MEMO1: variants seen among roughly 807,000 people sequenced by gnomAD.
MEMO1 encodes the protein mediator of cell motility 1.
A neutral mutation model predicts 45.2 loss-of-function variants in MEMO1; 6 were observed. The ratio of observed to expected loss-of-function variants is 0.13; its 90% confidence interval spans 0.07 to 0.26. The LOEUF (loss-of-function observed/expected upper bound fraction) is 0.26. Ranked by LOEUF, MEMO1 falls within the 10% of genes least tolerant of loss-of-function variation. MEMO1 has a pLI of 1.00. For missense variants in MEMO1, 184 were observed against 370.5 expected, an observed-to-expected ratio of 0.50 and a Z score of 4.13; for synonymous variants, 78 against 124.3, an observed-to-expected ratio of 0.63 and a Z score of 2.48.
intron 2 of MEMO1, among the ~76,000 whole-genome samples, chr2:31,971,770 G>C (rs566003838): frequency 6.6e-6 from 1 of 152,236 alleles, no homozygotes; most frequent in Admixed American, 6.6e-5. Flanking sequence ...AGGAGTTCAA[G>C]ACCAGCCTGG....
chr2:31,885,129 CTTTTT>C (rs1383795074), intron 7 of MEMO1, among the ~76,000 whole-genome samples: 1 of 151,202 alleles, frequency 6.6e-6, no homozygotes, highest in Non-Finnish European at 1.5e-5. Context: ...TTCTTTTTTT[CTTTTT>C]TTTAAGATGG....
intron 2 of MEMO1, among the ~76,000 whole-genome samples, chr2:31,969,504 A>G (rs532979774): frequency 6.6e-6 from 1 of 151,900 alleles, no homozygotes; most frequent in East Asian, 1.9e-4. Flanking sequence ...AAAGTTTAAA[A>G]AAGATATTAG....
chr2:31,906,698 C>A (rs1204444019), intron 6 of MEMO1, among the ~76,000 whole-genome samples: 1 of 151,996 alleles, frequency 6.6e-6, no homozygotes, highest in African/African-American at 2.4e-5. Flanking sequence ...CTGTACCAGT[C>A]ACAGAATAAA....
chr2:31,978,158 G>A (rs766827957), intron 2 of MEMO1, among the ~76,000 whole-genome samples: 9 of 151,998 alleles, frequency 5.9e-5, no homozygotes, highest in African/African-American at 7.3e-5. Flanking sequence ...AAGTCAAGGC[G>A]GGAGGATCAT....
chr2:31,868,485 G>C lies in MEMO1; in HGVS notation c.770C>G (p.Thr257Arg). The change falls in exon 10 of 10, where the codon ACA becomes AGA. Residue 257 changes from threonine (T) to arginine (R), a missense_variant. This residue lies in a region of MEMO1 where 97 missense variants were observed against 209.3 expected (regional missense o/e 0.46). Coordinates refer to ENST00000404530, the MANE Select transcript of MEMO1 (RefSeq NM_001301833.4). ...ATTCATTCCATTCTTCTGGAGCTCTGTGATAGCCTAGAAAAAAGAAAAATT... is the reference window on the plus strand; with the variant it reads ...ATTCATTCCATTCTTCTGGAGCTCTCTGATAGCCTAGAAAAAAGAAAAATT... ...HPIGVLLNAI[T>R]ELQKNGMNMS... 1 of 1,596,314 alleles carries C rather than the reference G, an allele frequency of 6.3e-7. No individual in the cohort carries two copies. The highest frequency in any genetic ancestry group is 8.5e-7 in the Non-Finnish European group (1 of 1,172,180).
At chr2:31,871,438 T>C (rs777130737) in intron 8 of MEMO1, among the ~76,000 whole-genome samples, 18 of 152,204 alleles carry the variant, frequency 1.2e-4, no homozygotes, top group Non-Finnish European at 2.2e-4. Flanking sequence ...TTTAATTCTA[T>C]AAAAAAACTT....
chr2:31,885,797 G>T (rs1383015993), intron 7 of MEMO1, among the ~76,000 whole-genome samples: 1 of 152,114 alleles, frequency 6.6e-6, no homozygotes, highest in African/African-American at 2.4e-5. Flanking sequence ...CTACTCCCAG[G>T]TTCAGAGAAA....
chr2:32,002,238 CAT>C, intron 2 of MEMO1, among the ~76,000 whole-genome samples: 1 of 136,194 alleles, frequency 7.3e-6, no homozygotes, highest in African/African-American at 2.7e-5. Context: ...TGTATATATA[CAT>C]ATACATATAT....
intron 3 of MEMO1, among the ~76,000 whole-genome samples, chr2:31,933,760 G>A (rs1664582353): frequency 6.6e-6 from 1 of 151,978 alleles, no homozygotes; most frequent in Non-Finnish European, 1.5e-5. Context: ...AGTCACTCTA[G>A]CCCTATACCT....
In MEMO1 at chr2:31,937,226, G is replaced by A. The variant is rs181622124; in HGVS notation, c.144-5091C>T. On this transcript the variant is annotated intron_variant, in intron 3 of 9. Transcript: ENST00000404530. The stretch of plus-strand genomic sequence containing the variant: ...GATAATTGTGCCCAAAAAAGTCCAA[G>A]TTAGATAGTTATTATTCAGAATATT... Among the ~76,000 whole-genome samples, 146 of 152,242 alleles carry A rather than the reference G, an allele frequency of 9.6e-4. 2 individuals carry two copies. The highest frequency in any genetic ancestry group is 2.9e-3 in the Admixed American group (44 of 15,294).
At chr2:31,878,147 A>G (rs1674828658) in intron 8 of MEMO1, among the ~76,000 whole-genome samples, 1 of 152,176 alleles carries the variant, frequency 6.6e-6, no homozygotes, top group Non-Finnish European at 1.5e-5. Context: ...CAAAACGGGC[A>G]AACGCCCTAA....
intron 8 of MEMO1, among the ~76,000 whole-genome samples, chr2:31,879,184 A>G (rs1674995743): frequency 6.6e-6 from 1 of 152,144 alleles, no homozygotes. Flanking sequence ...TCCAATTTAG[A>G]TTCTAAGCTG....
chr2:31,942,347 T>C (rs534818232), intron 3 of MEMO1, among the ~76,000 whole-genome samples: 36 of 152,338 alleles, frequency 2.4e-4, no homozygotes, highest in Admixed American at 6.5e-4. Flanking sequence ...GGGATTAAAT[T>C]AGATCTCTTT....
At chr2:32,002,285 A>C (rs1043840656) in intron 2 of MEMO1, among the ~76,000 whole-genome samples, 2 of 146,274 alleles carry the variant, frequency 1.4e-5, no homozygotes. Context: ...ATACATGTAC[A>C]TATATACATA....
intron 4 of MEMO1, chr2:31,923,603 T>C: frequency 2.0e-6 from 3 of 1,520,026 alleles, no homozygotes; most frequent in Admixed American, 2.2e-5. Flanking sequence ...CAGAAATGTT[T>C]AGGTAGCCTG....
At chr2:31,999,937 G>C (rs35169556) in intron 2 of MEMO1, among the ~76,000 whole-genome samples, 7,401 of 147,668 alleles carry the variant, frequency 0.05, 226 homozygotes, top group Middle Eastern at 0.12. Context: ...AGGCTGGAGC[G>C]TAGTGGTGAA....
intron 2 of MEMO1, among the ~76,000 whole-genome samples, chr2:32,003,411 A>C: frequency 6.6e-6 from 1 of 152,210 alleles, no homozygotes; most frequent in East Asian, 1.9e-4. Context: ...CTATTTGCCA[A>C]GGGAAAAAAA....
Position 31,952,047 on chromosome 2 carries a change from C to G in MEMO1, c.62-8664G>C, listed in dbSNP as rs138259430. Among the ~76,000 whole-genome samples, 4 of 152,184 alleles carry G rather than the reference C, an allele frequency of 2.6e-5. No individual in the cohort carries two copies. In the East Asian group the frequency reaches 7.7e-4, roughly 29 times the overall value. On this transcript the variant is annotated intron_variant, in intron 2 of 9. Coordinates refer to ENST00000404530, the MANE Select transcript of MEMO1 (RefSeq NM_001301833.4). ...AAATAGCATGCCCTTGGTACAGCAC[C>G]TTAGGGAGTGCAAGAACTGTCACAG...
chr2:31,994,251 A>T (rs1443230617), intron 2 of MEMO1, among the ~76,000 whole-genome samples: 2 of 150,976 alleles, frequency 1.3e-5, no homozygotes, highest in African/African-American at 4.9e-5. Context: ...ATCAGCCACC[A>T]CACCCGGCCA....
Sources: gnomAD v4.1 joint callset for allele counts (sites outside exome capture counted in the v4.1 genomes callset) on GRCh38, gnomAD v4.1.1 for gene constraint, gnomAD v4.1.1 regional missense constraint, MANE v1.5 for transcripts, NCBI Gene and HGNC (gene_info 2026-07-23, HGNC 2026-07-21) for gene names.